The following PRKAA2 variants were observed in gnomAD, a reference collection of about 807,000 sequenced individuals.
PRKAA2 encodes the protein 5'-AMP-activated protein kinase catalytic subunit alpha-2.
In PRKAA2, 40 loss-of-function variants were observed where a neutral mutation model predicts 56.3. That is an observed-to-expected ratio of 0.71 (90% CI 0.55 to 0.92). PRKAA2 has a LOEUF of 0.92. Ranked by LOEUF, PRKAA2 falls within the 40% of genes least tolerant of loss-of-function variation. The pLI, the probability that PRKAA2 is intolerant of heterozygous loss-of-function variation, is 0.00. For missense variants in PRKAA2, 542 were observed against 686.9 expected (o/e 0.79, Z 2.36); for synonymous variants, 214 against 234.2 (o/e 0.91, Z 0.79).
intron 2 of PRKAA2, among the ~76,000 whole-genome samples, chr1:56,691,052 A>G (rs1644225898): frequency 6.6e-6 from 1 of 152,160 alleles, no homozygotes; most frequent in East Asian, 1.9e-4. Flanking sequence ...TGGCCCAAGT[A>G]TATTTTCTGT....
At chr1:56,658,395 A>G (rs1287773236) in intron 1 of PRKAA2, among the ~76,000 whole-genome samples, 2 of 152,182 alleles carry the variant, frequency 1.3e-5, no homozygotes, top group East Asian at 3.9e-4. Context: ...GAAAATAGAC[A>G]CATAAGGACC....
At chr1:56,673,734 C>G (rs1569744149) in intron 1 of PRKAA2, among the ~76,000 whole-genome samples, 1 of 152,306 alleles carries the variant, frequency 6.6e-6, no homozygotes, top group South Asian at 2.1e-4. Flanking sequence ...CACTGGTCAT[C>G]TTGTCCAAGG....
intron 2 of PRKAA2, among the ~76,000 whole-genome samples, chr1:56,689,358 G>A (rs1043909068): frequency 1.6e-4 from 24 of 152,146 alleles, no homozygotes; most frequent in Admixed American, 3.3e-4. Flanking sequence ...AGTCATATTC[G>A]TTTATTTTAT....
At chr1:56,675,475 T>C (rs982046553) in intron 2 of PRKAA2, among the ~76,000 whole-genome samples, 1 of 152,082 alleles carries the variant, frequency 6.6e-6, no homozygotes, top group African/African-American at 2.4e-5. Flanking sequence ...TAAAAAGTAA[T>C]AGCAGCTTAT....
Position 56,706,058 on chromosome 1 carries a change from G to A in PRKAA2, c.1294-34G>A, listed in dbSNP as rs1039405695. ...TTTTGCATAAAAAGGTAGATATTTTGTAGTTTATTATTTTTATTGATTTTT... is the reference window on the plus strand; with the variant it reads ...TTTTGCATAAAAAGGTAGATATTTTATAGTTTATTATTTTTATTGATTTTT... On this transcript the variant is annotated intron_variant, in intron 7 of 8. Coordinates refer to ENST00000371244, the MANE Select transcript of PRKAA2 (RefSeq NM_006252.4). The A allele has an allele frequency of 3.2e-6, 5 of 1,554,272 alleles. No individual in the cohort carries two copies. In the Middle Eastern group the frequency reaches 5.2e-4, roughly 162 times the overall value.
Position 56,697,012 on chromosome 1 carries a change from A to ATTTTTTTTTTT in PRKAA2, c.788+858_788+868dup, listed in dbSNP as rs752842791. 2.8e-4 allele frequency among the ~76,000 whole-genome samples: 16 copies of ATTTTTTTTTTT among 57,888 alleles called. 3 individuals carry two copies. The highest frequency in any genetic ancestry group is 8.1e-4 in the African/African-American group (12 of 14,834). 38.0% of individuals were successfully genotyped at this position (57,888 alleles called of 152,430 possible). On this transcript the variant is annotated intron_variant, in intron 6 of 8. Coordinates refer to ENST00000371244, the MANE Select transcript of PRKAA2 (RefSeq NM_006252.4). ...CCTTTTCATCATTAGCCAGCAAAGAATTTTTTTTTTTTTTTAAGGCAGGGT... is the reference window on the plus strand; with the variant it reads ...CCTTTTCATCATTAGCCAGCAAAGAATTTTTTTTTTTTTTTTTTTTTTTTTTAAGGCAGGGT...
rs1644256734 is a variant in PRKAA2, at chr1:56,696,031, T to G, written c.660T>G (p.Pro220=). The G allele has an allele frequency of 6.2e-7, 1 of 1,612,566 alleles. No homozygotes were observed. Among genetic ancestry groups the G allele is most frequent in the Admixed American group, 1.7e-5 (1 of 59,682 alleles). Residue 220 remains proline, a synonymous_variant, in exon 6 of 9, where the codon CCT becomes CCG. Transcript: ENST00000371244. ...TCCCATTTGATGATGAGCATGTACC[T>G]ACGTTATTTAAGAAGATCCGAGGGG... ...GTLPFDDEHV[P]TLFKKIRGGV... is the part of the protein sequence containing the mutation.
At chr1:56,692,627 TCTC>T (rs1372424172) in intron 4 of PRKAA2, 125 bp downstream of exon 4, 1 of 892,420 alleles carries the variant, frequency 1.1e-6, no homozygotes, top group Non-Finnish European at 1.6e-6. Flanking sequence ...TTAGCTGAAA[TCTC>T]CTCAGTAGCT....
intron 1 of PRKAA2, among the ~76,000 whole-genome samples, chr1:56,646,848 G>T (rs778167946): frequency 1.2e-4 from 19 of 152,160 alleles, no homozygotes; most frequent in African/African-American, 1.7e-4. Context: ...TTCAAAAAAC[G>T]CTGAGCACCT....
At chr1:56,662,588 A>T (rs1182197093) in intron 1 of PRKAA2, among the ~76,000 whole-genome samples, 1 of 152,128 alleles carries the variant, frequency 6.6e-6, no homozygotes, top group African/African-American at 2.4e-5. Flanking sequence ...TGCCCGGCCA[A>T]CTTTATTTTT....
chr1:56,687,429 A>G (rs908743747), intron 2 of PRKAA2, among the ~76,000 whole-genome samples: 2 of 152,106 alleles, frequency 1.3e-5, no homozygotes, highest in Non-Finnish European at 2.9e-5. Context: ...GCATATGTAC[A>G]TATATAAACT....
At chr1:56,646,099 C>CCAGA (rs757081208) in intron 1 of PRKAA2, among the ~76,000 whole-genome samples, 3,670 of 152,226 alleles carry the variant, frequency 0.024, 91 homozygotes, top group East Asian at 0.11. Context: ...TCTGGTCTTG[C>CCAGA]TGGGAGGTCC....
In PRKAA2 at chr1:56,704,105, T is replaced by G; in HGVS notation, c.923T>G (p.Met308Arg). ...EKFECTESEV[M>R]NSLYSGDPQD... Reference sequence around the variant, plus strand: ...TTTGAATGTACAGAATCAGAAGTAATGAACAGTTTATATAGTGGTGACCCT... The same window carrying G: ...TTTGAATGTACAGAATCAGAAGTAAGGAACAGTTTATATAGTGGTGACCCT... Residue 308 changes from methionine (M) to arginine (R), a missense_variant, in exon 7 of 9, where the codon ATG becomes AGG. Around this residue, in one of 5 missense-constraint regions of PRKAA2, gnomAD observed 198 missense variants for 234.0 expected, o/e 0.85. Coordinates refer to ENST00000371244, the MANE Select transcript of PRKAA2 (RefSeq NM_006252.4). The G allele has an allele frequency of 6.2e-7, 1 of 1,614,126 alleles. No individual in the cohort carries two copies. Among genetic ancestry groups the G allele is most frequent in the Non-Finnish European group, 8.5e-7 (1 of 1,180,026 alleles).
rs575160471 is a variant in PRKAA2, at chr1:56,699,385, A to G, written c.788+3226A>G. On this transcript the variant is annotated intron_variant, in intron 6 of 8. Coordinates refer to ENST00000371244, the MANE Select transcript of PRKAA2 (RefSeq NM_006252.4). ...GATGCCTGTATAATAGCCCATGTGAAGTGAATTGCTTTTGTCTCAGATGAA... is the reference window on the plus strand; with the variant it reads ...GATGCCTGTATAATAGCCCATGTGAGGTGAATTGCTTTTGTCTCAGATGAA... Among the ~76,000 whole-genome samples the G allele has an allele frequency of 2.6e-5, 4 of 152,280 alleles. No individual in the cohort carries two copies. In the South Asian group the frequency reaches 8.3e-4, roughly 32 times the overall value.
At chr1:56,691,964 T>G (rs1644231120) in intron 3 of PRKAA2, among the ~76,000 whole-genome samples, 1 of 152,156 alleles carries the variant, frequency 6.6e-6, no homozygotes, top group African/African-American at 2.4e-5. Flanking sequence ...AACATAATTC[T>G]AGCTTGCTTA....
chr1:56,670,686 C>T (rs1644068848), intron 1 of PRKAA2, among the ~76,000 whole-genome samples: 1 of 152,192 alleles, frequency 6.6e-6, no homozygotes, highest in South Asian at 2.1e-4. Context: ...AGTATAGCTA[C>T]TTACTTGAGT....
chr1:56,695,823 G>C, intron 5 of PRKAA2, 112 bp from the exon 6 acceptor site: 1 of 932,360 alleles, frequency 1.1e-6, no homozygotes, highest in South Asian at 1.7e-5. Context: ...CTTCATTAAA[G>C]ACCTTGGAAA....
At chr1:56,684,966 A>G (rs1241573057) in intron 2 of PRKAA2, among the ~76,000 whole-genome samples, 2 of 152,284 alleles carry the variant, frequency 1.3e-5, no homozygotes, top group South Asian at 2.1e-4. Context: ...GGGGCTAATT[A>G]TAGAAGCCAA....
chr1:56,675,533 G>A (rs963527), intron 2 of PRKAA2, among the ~76,000 whole-genome samples: 150,096 of 152,274 alleles, frequency 0.99, 73,975 homozygotes, highest in East Asian at 1. Flanking sequence ...TTGAGGTCAA[G>A]CCTGATTCCA....
Sources: allele counts gnomAD v4.1 joint callset (sites outside exome capture counted in the v4.1 genomes callset), GRCh38; gene constraint gnomAD v4.1.1; regional missense constraint gnomAD v4.1.1; transcripts MANE v1.5; gene names NCBI Gene and HGNC (gene_info 2026-07-23, HGNC 2026-07-21).